UBN2: variants seen among roughly 807,000 people sequenced by gnomAD.
UBN2 encodes ubinuclein-2.
Under a neutral mutation model 120.2 loss-of-function variants are expected in UBN2, and 35 were observed. That is an observed-to-expected ratio of 0.29 (90% CI 0.22 to 0.39). The LOEUF is 0.39. UBN2 is among the 10% of genes least tolerant of loss of function. UBN2 has a pLI of 1.00. For missense variants in UBN2, 1,693 were observed against 1,663.2 expected, an observed-to-expected ratio of 1.02 and a Z score of -0.31; for synonymous variants, 661 against 648.7, an observed-to-expected ratio of 1.02 and a Z score of -0.29.
intron 8 of UBN2, among the ~76,000 whole-genome samples, chr7:139,270,580 C>G (rs1052986088): frequency 6.6e-6 from 1 of 151,196 alleles, no homozygotes; most frequent in East Asian, 2.0e-4. Flanking sequence ...GAAACACATT[C>G]ATTTTTTACT....
In UBN2 at chr7:139,298,048, C is replaced by T; in HGVS notation, c.*212C>T. On this transcript the variant is annotated 3_prime_UTR_variant, in exon 18 of 18. Coordinates refer to ENST00000473989, the MANE Select transcript of UBN2 (RefSeq NM_173569.4). Reference sequence around the variant, plus strand: ...AATGCTTTTGTGCAAAGTTAGTGACCTTTGGTCTCTTCTAAAGAATGACAG... The same window carrying T: ...AATGCTTTTGTGCAAAGTTAGTGACTTTTGGTCTCTTCTAAAGAATGACAG... 1 of 545,130 alleles carries T rather than the reference C, an allele frequency of 1.8e-6. No individual in the cohort carries two copies. Among genetic ancestry groups the T allele is most frequent in the Non-Finnish European group, 3.3e-6 (1 of 305,834 alleles). The allele number at this position is 545,130 out of a possible 1,614,324, so 33.8% of individuals were successfully genotyped here.
chr7:139,275,411 G>T (rs917874610), intron 11 of UBN2, among the ~76,000 whole-genome samples: 3 of 149,802 alleles, frequency 2.0e-5, no homozygotes, highest in African/African-American at 7.4e-5. Flanking sequence ...GTGAAACCCC[G>T]TCTCTACTAA....
chr7:139,258,718 A>T (rs935077484), intron 4 of UBN2, 93 bp downstream of exon 4: 2 of 1,120,224 alleles, frequency 1.8e-6, no homozygotes, highest in Non-Finnish European at 2.4e-6. Context: ...AATGTAAGGA[A>T]AAGTAAAATA....
chr7:139,268,908 T>C (rs746020943), intron 7 of UBN2, among the ~76,000 whole-genome samples: 3 of 152,214 alleles, frequency 2.0e-5, no homozygotes, highest in Admixed American at 6.6e-5. Context: ...AGCATTACTA[T>C]TTATTGGTAT....
chr7:139,235,637 C>G (rs1477636066), intron 1 of UBN2, among the ~76,000 whole-genome samples: 1 of 152,138 alleles, frequency 6.6e-6, no homozygotes, highest in Admixed American at 6.5e-5. Flanking sequence ...GAACTCTTGA[C>G]CTCAGGTGAT....
intron 2 of UBN2, among the ~76,000 whole-genome samples, chr7:139,240,590 T>C (rs933964860): frequency 6.6e-6 from 1 of 151,990 alleles, no homozygotes. Flanking sequence ...TCTCTTAAAC[T>C]ACAATGATCT....
At chr7:139,296,041 T>C (rs1798100851) in intron 17 of UBN2, among the ~76,000 whole-genome samples, 1 of 152,266 alleles carries the variant, frequency 6.6e-6, no homozygotes, top group Admixed American at 6.5e-5. Context: ...TAGGCTTGTT[T>C]GACCATCACT....
chr7:139,330,028 A>G, the UBN2 span, among the ~76,000 whole-genome samples: 19 of 151,964 alleles, frequency 1.3e-4, no homozygotes, highest in African/African-American at 3.6e-4. Context: ...CAAGCTGTGC[A>G]CTCTGGGCAA....
At chr7:139,329,600 T>G in the UBN2 span, among the ~76,000 whole-genome samples, 6 of 152,112 alleles carry the variant, frequency 3.9e-5, no homozygotes, top group Non-Finnish European at 8.8e-5. Context: ...TTCTAAGCCA[T>G]AGGAGTTTTT....
At chr7:139,256,782 T>C (rs1465588175) in intron 3 of UBN2, among the ~76,000 whole-genome samples, 1 of 152,216 alleles carries the variant, frequency 6.6e-6, no homozygotes, top group Non-Finnish European at 1.5e-5. Flanking sequence ...AGTAGATCTT[T>C]CTAGTAGTGT....
chr7:139,232,317 G>T (rs1220072612), intron 1 of UBN2, among the ~76,000 whole-genome samples: 2 of 152,234 alleles, frequency 1.3e-5, no homozygotes, highest in East Asian at 3.8e-4. Flanking sequence ...TCCCTGTGGC[G>T]CTACAGCTGT....
the UBN2 span, among the ~76,000 whole-genome samples, chr7:139,324,373 C>CCT: frequency 6.6e-6 from 1 of 150,652 alleles, no homozygotes; most frequent in Non-Finnish European, 1.5e-5. Flanking sequence ...ATCGAGACCA[C>CCT]GGTGAAACCC....
chr7:139,276,195 C>G lies in UBN2; in HGVS notation c.2024+48C>G, dbSNP rs183904272. ...TTGCTTCATTTATTCACATTATGTG[C>G]TTTAGTGAACAAAAGTATCATTTAT... On this transcript the variant is annotated intron_variant, in intron 12 of 17. Coordinates refer to ENST00000473989, the MANE Select transcript of UBN2 (RefSeq NM_173569.4). 1.2e-5 allele frequency: 19 copies of G among 1,533,018 alleles called. No homozygotes were observed. The Admixed American group carries it at 2.6e-4, about 21-fold the overall frequency. The allele number at this position is 1,533,018 out of a possible 1,614,324, so 95.0% of individuals were successfully genotyped here.
In UBN2 at chr7:139,304,970, T is replaced by TG. The variant is rs1798334613; in HGVS notation, c.*7135dup. On this transcript the variant is annotated 3_prime_UTR_variant, in exon 18 of 18. Coordinates refer to ENST00000473989, the MANE Select transcript of UBN2 (RefSeq NM_173569.4). ...ACAGAAGCATAAAATAGAGATACTTTGTGTGTTCATCTATCGTAAAATGTG... is the reference window on the plus strand; with the variant it reads ...ACAGAAGCATAAAATAGAGATACTTTGGTGTGTTCATCTATCGTAAAATGTG... The TG allele has an allele frequency of 6.6e-6, 1 of 152,186 alleles. No homozygotes were observed. The highest frequency in any genetic ancestry group is 1.5e-5 in the Non-Finnish European group (1 of 68,030). 9.4% of individuals were successfully genotyped at this position (152,186 alleles called of 1,614,324 possible).
At chr7:139,265,910 A>C (rs866291706) in intron 6 of UBN2, among the ~76,000 whole-genome samples, 1 of 152,080 alleles carries the variant, frequency 6.6e-6, no homozygotes, top group Admixed American at 6.6e-5. Flanking sequence ...AGGAAGGATA[A>C]ATTTCTCTTT....
chr7:139,293,632 T>G (rs1798027515), intron 16 of UBN2, 169 bp downstream of exon 16: 1 of 656,410 alleles, frequency 1.5e-6, no homozygotes, highest in Non-Finnish European at 2.6e-6. Flanking sequence ...TATTGGACAC[T>G]GGGGTTTTAT....
rs547489649 is a variant in UBN2, at chr7:139,273,940, A to G, written c.1839A>G (p.Leu613=). 7 of 1,601,386 alleles carry G rather than the reference A, an allele frequency of 4.4e-6. No homozygotes were observed. In the South Asian group the frequency reaches 6.8e-5, roughly 16 times the overall value. The change falls in exon 11 of 18, where the codon TTA becomes TTG. Residue 613 remains leucine, a synonymous_variant. Transcript: ENST00000473989. ...FHWDDTIRTL[L]CNLVEIKLGC... ...TTTTCAATCTGTTTAGAACTTTGTT[A>G]TGTAACCTTGTTGAGATCAAATTGG...
At chr7:139,281,666 G>C (rs1797616187) in intron 13 of UBN2, among the ~76,000 whole-genome samples, 2 of 152,120 alleles carry the variant, frequency 1.3e-5, no homozygotes, top group Admixed American at 1.3e-4. Context: ...GGATTTAATG[G>C]TTTTATAAAT....
the UBN2 span, among the ~76,000 whole-genome samples, chr7:139,320,114 G>A: frequency 1.3e-3 from 193 of 151,326 alleles, 3 homozygotes; most frequent in East Asian, 0.031. Flanking sequence ...AACACTCAAA[G>A]TAGTCTCTAT....
Sources: allele counts gnomAD v4.1 joint callset (sites outside exome capture counted in the v4.1 genomes callset), GRCh38; gene constraint gnomAD v4.1.1; transcripts MANE v1.5; gene names NCBI Gene and HGNC (gene_info 2026-07-23, HGNC 2026-07-21).